Variants in SLC25A18 observed in about 807,000 individuals in gnomAD.
The protein encoded by SLC25A18 is mitochondrial glutamate carrier 2.
SLC25A18 carries 24 observed loss-of-function variants against 31.1 expected under a neutral mutation model. The observed-to-expected ratio is 0.77, with a 90% CI of 0.56 to 1.08. SLC25A18 has a LOEUF of 1.08. Among genes scored for constraint, SLC25A18 ranks in the 50% least tolerant of loss-of-function variants. The probability of loss-of-function intolerance (pLI) is 0.00; values close to 1 mark genes in which losing one functional copy is unlikely to be tolerated. For synonymous variants in SLC25A18, 173 were observed against 161.9 expected (o/e 1.07, Z -0.52); for missense variants, 371 against 418.5 (o/e 0.89, Z 0.99).
chr22:17,590,160 T>C lies in SLC25A18; in HGVS notation c.872T>C (p.Ile291Thr), dbSNP rs371791889. The change falls in exon 11 of 11, where the codon ATA (isoleucine) becomes ACA (threonine). Residue 291 changes from isoleucine to threonine, a missense_variant. Physicochemically the swap from Ile to Thr is moderately conservative, Grantham distance 89 (BLOSUM62 -1). Transcript: ENST00000327451. ...MKGAGCRALV[I>T]APLFGIAQGV... is the part of the protein sequence containing the mutation. ...GGCGCTGGCTGCCGGGCACTGGTCATAGCACCTCTCTTTGGGATTGCTCAA... is the reference window on the plus strand; with the variant it reads ...GGCGCTGGCTGCCGGGCACTGGTCACAGCACCTCTCTTTGGGATTGCTCAA... 2.9e-5 allele frequency: 47 copies of C among 1,614,142 alleles called. No homozygotes were observed. Among genetic ancestry groups the C allele is most frequent in the Non-Finnish European group, 4.0e-5 (47 of 1,180,052 alleles).
chr22:17,584,284 C>G (rs2057459850), intron 7 of SLC25A18, among the ~76,000 whole-genome samples: 1 of 149,904 alleles, frequency 6.7e-6, no homozygotes, highest in Admixed American at 6.7e-5. Flanking sequence ...TCTCAGCTAT[C>G]CGGGAGGCTG....
intron 7 of SLC25A18, among the ~76,000 whole-genome samples, chr22:17,584,448 A>AAGGAAGGAAGGAAGGAAG (rs1555951483): frequency 1.7e-5 from 2 of 116,726 alleles, no homozygotes; most frequent in African/African-American, 7.5e-5. Context: ...GGAAGGAAGG[A>AAGGAAGGAAGGAAGGAAG]GAGAGAGAGA....
chr22:17,567,503 G>T (rs2056968281), intron 1 of SLC25A18, among the ~76,000 whole-genome samples: 1 of 151,282 alleles, frequency 6.6e-6, no homozygotes, highest in South Asian at 2.1e-4. Context: ...ATCTGAACGT[G>T]CATCTGACTT....
chr22:17,568,373 A>AG (rs1282593003), intron 1 of SLC25A18, among the ~76,000 whole-genome samples: 1 of 151,000 alleles, frequency 6.6e-6, no homozygotes, highest in Non-Finnish European at 1.5e-5. Flanking sequence ...TCTCAAAAAA[A>AG]AAAAAAAAGG....
chr22:17,586,940 GAT>G (rs919159536), intron 7 of SLC25A18, among the ~76,000 whole-genome samples, 194 bp from the exon 8 acceptor site: 13 of 152,298 alleles, frequency 8.5e-5, no homozygotes, highest in South Asian at 8.3e-4. Context: ...TAGCTCCTGA[GAT>G]ACTGTAGACC....
At chr22:17,582,945 C>T (rs1301677073) in intron 6 of SLC25A18, among the ~76,000 whole-genome samples, 1 of 152,182 alleles carries the variant, frequency 6.6e-6, no homozygotes, top group Non-Finnish European at 1.5e-5. Flanking sequence ...TGCAGTGGCT[C>T]ATGCCTGTAA....
At chr22:17,579,025 A>G (rs1349064798) in intron 2 of SLC25A18, among the ~76,000 whole-genome samples, 1 of 152,214 alleles carries the variant, frequency 6.6e-6, no homozygotes, top group African/African-American at 2.4e-5. Context: ...ACACAGTTTA[A>G]TAGCCAAAAA....
chr22:17,570,109 G>GGA, intron 2 of SLC25A18, 123 bp downstream of exon 2: 1 of 692,882 alleles, frequency 1.4e-6, no homozygotes, highest in East Asian at 1.3e-4. Context: ...CCCATTTGTT[G>GGA]GATAGAGTCA....
rs749900100 is a variant in SLC25A18 at position 17,590,138 on chromosome 22, G to A, written c.850G>A (p.Ala284Thr). Residue 284 changes from alanine (A) to threonine (T), a missense_variant, in exon 11 of 11, where the codon GCT becomes ACT. Physicochemically the swap from Ala to Thr is moderately conservative, Grantham distance 58. Coordinates refer to ENST00000327451, the MANE Select transcript of SLC25A18 (RefSeq NM_031481.3). ...GGGACCATCTGCCTTCATGAAAGGC[G>A]CTGGCTGCCGGGCACTGGTCATAGC... ...QEGPSAFMKG[A>T]GCRALVIAPL... 32 of 1,614,110 alleles carry A rather than the reference G, an allele frequency of 2.0e-5. No homozygotes were observed. The highest frequency in any genetic ancestry group is 1.3e-4 in the East Asian group (6 of 44,904).
intron 9 of SLC25A18, chr22:17,589,335 G>A (rs993299614): frequency 1.2e-4 from 41 of 355,762 alleles, no homozygotes; most frequent in African/African-American, 7.5e-4. Flanking sequence ...AACGCGCCAC[G>A]CCCGGCTCAT....
chr22:17,574,522 TA>T (rs1311478589), intron 2 of SLC25A18, among the ~76,000 whole-genome samples: 13 of 133,090 alleles, frequency 9.8e-5, no homozygotes, highest in South Asian at 2.3e-4. Flanking sequence ...TTTTTTTTTT[TA>T]TTTTTTTTTT....
intron 2 of SLC25A18, among the ~76,000 whole-genome samples, chr22:17,572,586 G>T (rs1485228846): frequency 5.3e-5 from 8 of 151,678 alleles, no homozygotes; most frequent in Non-Finnish European, 1.2e-4. Context: ...TTGAGCCCAG[G>T]CATTCATGAC....
chr22:17,567,922 G>A (rs975299811), intron 1 of SLC25A18, among the ~76,000 whole-genome samples: 3 of 151,980 alleles, frequency 2.0e-5, no homozygotes, highest in Non-Finnish European at 2.9e-5. Flanking sequence ...GTTTTGTCAC[G>A]AGAGTATACT....
At chr22:17,576,181 A>G (rs919061575) in intron 2 of SLC25A18, among the ~76,000 whole-genome samples, 2 of 151,914 alleles carry the variant, frequency 1.3e-5, no homozygotes, top group Non-Finnish European at 2.9e-5. Context: ...GTGAAACCCC[A>G]TCTCTACTAA....
Position 17,582,590 on chromosome 22 carries a change from C to T in SLC25A18, c.227C>T (p.Thr76Ile), listed in dbSNP as rs1342398297. The T allele has an allele frequency of 1.2e-6, 2 of 1,603,370 alleles. No individual in the cohort carries two copies. Among genetic ancestry groups the T allele is most frequent in the Non-Finnish European group, 1.7e-6 (2 of 1,174,418 alleles). The change falls in exon 6 of 11, where the codon ACT becomes ATT. Residue 76 changes from threonine to isoleucine, a missense_variant. By Grantham distance (89) the Thr-to-Ile change is moderately conservative. Transcript: ENST00000327451. ...GCTGCAGTGAACCTCACTCTGGTCA[C>T]TCCAGAGAAGGCCATCAAGCTGGCG... is the stretch of plus-strand genomic sequence containing the variant. Reference protein sequence around the residue: ...RGAAVNLTLVTPEKAIKLAAN... With the variant: ...RGAAVNLTLVIPEKAIKLAAN...
In SLC25A18 at chr22:17,589,209, C is replaced by A. The variant is rs758750470; in HGVS notation, c.731-381C>A. On this transcript the variant is annotated intron_variant, in intron 9 of 10. Transcript: ENST00000327451. ...TCTTTTTTTGTTTTTGAGATGGAGTCTTGCTCTGTTGCCCAGGCTGGAGTG... is the reference window on the plus strand; with the variant it reads ...TCTTTTTTTGTTTTTGAGATGGAGTATTGCTCTGTTGCCCAGGCTGGAGTG... The A allele has an allele frequency of 1.7e-4, 28 of 160,192 alleles. 1 individual carries two copies. The highest frequency in any genetic ancestry group is 1.2e-4 in the Admixed American group (2 of 16,048). 9.9% of individuals were successfully genotyped at this position (160,192 alleles called of 1,614,324 possible).
rs61741092 is a variant in SLC25A18 at position 17,587,256 on chromosome 22, A to G, written c.530A>G (p.Gln177Arg). The stretch of plus-strand genomic sequence containing the variant: ...ATTGCCTGGGAGCTGCTCCGCACTC[A>G]GGGCCTGGCTGGGCTCTACAGGGGC... ...TLIAWELLRT[Q>R]GLAGLYRGLG... Residue 177 changes from glutamine (Q) to arginine (R), a missense_variant, in exon 8 of 11, where the codon CAG becomes CGG. Transcript: ENST00000327451. The G allele has an allele frequency of 1.2e-4, 188 of 1,613,964 alleles. No individual in the cohort carries two copies. In the African/African-American group the frequency reaches 2.3e-3, roughly 20 times the overall value.
rs746262735 is a variant in SLC25A18, at chr22:17,579,997, G to A, written c.20+33G>A. 4.4e-6 allele frequency: 7 copies of A among 1,602,652 alleles called. No individual in the cohort carries two copies. In the Admixed American group the frequency reaches 1.2e-4, roughly 27 times the overall value. On this transcript the variant is annotated intron_variant, in intron 3 of 10. Transcript: ENST00000327451. ...CGGCTGGGGCAGCCTGAGGCCCTGG[G>A]CCCTGGGCCTGGCGGAGAGTCGCTG...
rs915299898 is a variant in SLC25A18 at position 17,580,679 on chromosome 22, T to C, written c.21-358T>C. On this transcript the variant is annotated intron_variant, in intron 3 of 10. Coordinates refer to ENST00000327451, the MANE Select transcript of SLC25A18 (RefSeq NM_031481.3). Reference sequence around the variant, plus strand: ...TTCTGCCTGACCTTCAGTCCGTTTGTGTGAGAACTGCACACGTGGCTCCAG... The same window carrying C: ...TTCTGCCTGACCTTCAGTCCGTTTGCGTGAGAACTGCACACGTGGCTCCAG... The C allele has an allele frequency of 8.6e-6, 9 of 1,041,834 alleles. No individual in the cohort carries two copies. In the African/African-American group the frequency reaches 1.2e-4, roughly 14 times the overall value. The allele number at this position is 1,041,834 out of a possible 1,614,324, so 64.5% of individuals were successfully genotyped here.
Sources: allele counts gnomAD v4.1 joint callset (sites outside exome capture counted in the v4.1 genomes callset), GRCh38; gene constraint gnomAD v4.1.1; transcripts MANE v1.5; gene names NCBI Gene and HGNC (gene_info 2026-07-23, HGNC 2026-07-21).